The following CCDC7 variants were observed in gnomAD, a reference collection of about 807,000 sequenced individuals.
The protein encoded by CCDC7 is coiled-coil domain-containing protein 7.
A neutral mutation model predicts 196.9 loss-of-function variants in CCDC7; 183 were observed. The ratio of observed to expected loss-of-function variants is 0.93; its 90% CI spans 0.82 to 1.05. CCDC7 has a LOEUF of 1.05. Among genes scored for constraint, CCDC7 ranks in the 50% least tolerant of loss-of-function variants. The probability of loss-of-function intolerance (pLI) is 0.00; values close to 1 mark genes in which losing one functional copy is unlikely to be tolerated. For missense variants in CCDC7, 1,540 were observed against 1,482.2 expected (o/e 1.04, Z -0.64); for synonymous variants, 525 against 484.6 (o/e 1.08, Z -1.10).
intron 8 of CCDC7, among the ~76,000 whole-genome samples, chr10:32,484,869 GC>G (rs1177958441): frequency 1.3e-5 from 2 of 152,190 alleles, no homozygotes; most frequent in African/African-American, 4.8e-5. Flanking sequence ...TGGTGGATAA[GC>G]TTTTTGATGT....
chr10:32,637,719 T>C (rs1384815612), intron 20 of CCDC7, among the ~76,000 whole-genome samples: 1 of 152,184 alleles, frequency 6.6e-6, no homozygotes, highest in Non-Finnish European at 1.5e-5. Context: ...GTGGGCTCTT[T>C]TTTGGTTCCA....
chr10:32,837,344 T>C (rs1415908512), intron 33 of CCDC7, among the ~76,000 whole-genome samples: 1 of 151,990 alleles, frequency 6.6e-6, no homozygotes, highest in Non-Finnish European at 1.5e-5. Context: ...TCACTGGCCA[T>C]CAGAGAAATG....
chr10:32,850,759 T>A (rs2093523982), intron 39 of CCDC7, among the ~76,000 whole-genome samples: 1 of 149,918 alleles, frequency 6.7e-6, no homozygotes, highest in Non-Finnish European at 1.5e-5. Flanking sequence ...TTTTGAAATG[T>A]CACTTGTCTC....
chr10:32,586,531 C>T (rs191868594), intron 18 of CCDC7, among the ~76,000 whole-genome samples: 3 of 152,176 alleles, frequency 2.0e-5, no homozygotes. Flanking sequence ...GTCTTTAATC[C>T]ATCTCGAGTT....
intron 9 of CCDC7, among the ~76,000 whole-genome samples, chr10:32,504,115 G>GTTT (rs748760643): frequency 0.032 from 3,097 of 96,228 alleles, 214 homozygotes; most frequent in Admixed American, 0.041. Context: ...TTTATTGCTG[G>GTTT]TTTTTTTTTT....
At chr10:32,539,319 A>G (rs1051534052) in intron 11 of CCDC7, among the ~76,000 whole-genome samples, 1 of 152,080 alleles carries the variant, frequency 6.6e-6, no homozygotes, top group African/African-American at 2.4e-5. Flanking sequence ...GTGTGCATAG[A>G]GGCGATCATA....
intron 31 of CCDC7, among the ~76,000 whole-genome samples, chr10:32,819,967 G>A (rs557269665): frequency 3.9e-5 from 6 of 152,296 alleles, no homozygotes; most frequent in African/African-American, 1.4e-4. Flanking sequence ...TCTGACCAGG[G>A]CAATCAGGCA....
intron 21 of CCDC7, among the ~76,000 whole-genome samples, chr10:32,674,733 T>G (rs1243974977): frequency 6.6e-6 from 1 of 152,118 alleles, no homozygotes; most frequent in African/African-American, 2.4e-5. Flanking sequence ...TTATGTGCTC[T>G]GACGTTGGAC....
chr10:32,817,214 A>G (rs1364938333), intron 31 of CCDC7, among the ~76,000 whole-genome samples: 2 of 152,214 alleles, frequency 1.3e-5, no homozygotes, highest in Non-Finnish European at 2.9e-5. Context: ...AGCCGATTTG[A>G]TCAACTGGAA....
chr10:32,656,143 T>G (rs1183033280), intron 20 of CCDC7, among the ~76,000 whole-genome samples: 1 of 152,230 alleles, frequency 6.6e-6, no homozygotes, highest in Non-Finnish European at 1.5e-5. Flanking sequence ...TCCCTACGTT[T>G]TCTTCTAGTA....
intron 21 of CCDC7, among the ~76,000 whole-genome samples, chr10:32,677,662 A>G (rs920698542): frequency 6.6e-6 from 1 of 151,956 alleles, no homozygotes; most frequent in African/African-American, 2.4e-5. Flanking sequence ...TTGAGTTTTG[A>G]CAATTTAATG....
intron 20 of CCDC7, among the ~76,000 whole-genome samples, chr10:32,636,834 C>T (rs1459414907): frequency 1.3e-5 from 2 of 152,200 alleles, no homozygotes; most frequent in South Asian, 2.1e-4. Flanking sequence ...AACTAGTTTA[C>T]AGTCCCACCA....
At chr10:32,808,403 T>C (rs2086323372) in intron 30 of CCDC7, among the ~76,000 whole-genome samples, 1 of 152,182 alleles carries the variant, frequency 6.6e-6, no homozygotes, top group Non-Finnish European at 1.5e-5. Context: ...CACAGGCATC[T>C]GTGCACTCTT....
intron 5 of CCDC7, among the ~76,000 whole-genome samples, chr10:32,463,529 C>T (rs1223630012): frequency 6.6e-6 from 1 of 152,190 alleles, no homozygotes; most frequent in Non-Finnish European, 1.5e-5. Context: ...CTACTGGTCT[C>T]TGTCCTTAGG....
intron 12 of CCDC7, 96 bp from the exon 14 acceptor site, chr10:32,544,151 T>G (rs2052006433): frequency 3.8e-6 from 4 of 1,062,390 alleles, no homozygotes; most frequent in Admixed American, 2.6e-5. Flanking sequence ...AAAAACTTCA[T>G]TATTTTAAAA....
At chr10:32,848,617 A>G (rs760887662) in exon 39 of CCDC7, 66 of 1,502,770 alleles carry the variant, frequency 4.4e-5, no homozygotes, top group Non-Finnish European at 5.6e-5. Context: ...TTTAAAAACA[A>G]AGATATGTCC....
chr10:32,790,533 G>T (rs143162466), intron 29 of CCDC7, among the ~76,000 whole-genome samples: 1 of 152,284 alleles, frequency 6.6e-6, no homozygotes, highest in Non-Finnish European at 1.5e-5. Context: ...GGGCTTTATT[G>T]TGTTCCGCCC....
In CCDC7 at chr10:32,723,978, T is replaced by C. The variant is rs543501474; in HGVS notation, c.2570-2756T>C. Among the ~76,000 whole-genome samples the C allele has an allele frequency of 5.0e-4, 76 of 152,178 alleles. 1 individual carries two copies. In the Middle Eastern group the frequency reaches 0.014, roughly 27 times the overall value. On this transcript the variant is annotated intron_variant, in intron 25 of 41. Coordinates refer to ENST00000639629, the Ensembl canonical transcript of CCDC7. ...GCCATTGCCTCCGAGATTGTATTACTAGGTAGGGATTGCTTCCCCAGCTTT... is the reference window on the plus strand; with the variant it reads ...GCCATTGCCTCCGAGATTGTATTACCAGGTAGGGATTGCTTCCCCAGCTTT...
intron 23 of CCDC7, 60 bp downstream of exon 24, chr10:32,689,223 T>C (rs1321978508): frequency 1.7e-6 from 2 of 1,151,140 alleles, no homozygotes; most frequent in Non-Finnish European, 2.5e-6. Context: ...TCCGAAGGTA[T>C]TTTTGCTTTG....
Sources: gnomAD v4.1 joint callset for allele counts (sites outside exome capture counted in the v4.1 genomes callset) on GRCh38, gnomAD v4.1.1 for gene constraint, MANE v1.5 for transcripts, NCBI Gene and HGNC (gene_info 2026-07-23, HGNC 2026-07-21) for gene names.